Variants in LARGE1 observed in about 807,000 individuals in gnomAD.
LARGE1 encodes xylosyl- and glucuronyltransferase LARGE1.
In LARGE1, 43 loss-of-function variants were observed where a neutral mutation model predicts 87.6. That is an observed-to-expected ratio of 0.49 (90% CI 0.38 to 0.63). The LOEUF (loss-of-function observed/expected upper bound fraction) is 0.63. LARGE1 is among the 30% of genes least tolerant of loss of function. The probability of loss-of-function intolerance (pLI) is 0.00; values close to 1 mark genes in which losing one functional copy is unlikely to be tolerated. For synonymous variants in LARGE1, 434 were observed against 394.6 expected, an observed-to-expected ratio of 1.10 and a Z score of -1.18; for missense variants, 802 against 1,000.2, an observed-to-expected ratio of 0.80 and a Z score of 2.67.
intron 6 of LARGE1, among the ~76,000 whole-genome samples, chr22:33,451,563 CTT>C (rs34445472): frequency 3.6e-5 from 5 of 139,908 alleles, no homozygotes; most frequent in Admixed American, 1.4e-4. Context: ...GTATCTCATT[CTT>C]TTTTTTTTTT....
intron 1 of LARGE1, among the ~76,000 whole-genome samples, chr22:33,902,731 C>T (rs1408098607): frequency 6.6e-6 from 1 of 152,194 alleles, no homozygotes; most frequent in East Asian, 1.9e-4. Flanking sequence ...ATTAAAACAA[C>T]AGATGATGTT....
chr22:33,800,082 G>A (rs1430049049), intron 1 of LARGE1, among the ~76,000 whole-genome samples: 1 of 98,330 alleles, frequency 1.0e-5, no homozygotes, highest in East Asian at 5.5e-4. Flanking sequence ...GCTATCCCCT[G>A]ACTCATTCCG....
intron 1 of LARGE1, among the ~76,000 whole-genome samples, chr22:33,905,407 C>A (rs559597659): frequency 6.6e-6 from 1 of 152,026 alleles, no homozygotes; most frequent in Non-Finnish European, 1.5e-5. Context: ...TACTGCCGTG[C>A]CTATTTTTAG....
At chr22:33,917,856 C>T (rs2065831284) in intron 1 of LARGE1, among the ~76,000 whole-genome samples, 1 of 152,102 alleles carries the variant, frequency 6.6e-6, no homozygotes, top group African/African-American at 2.4e-5. Context: ...CAGGAACCCT[C>T]AAGATAAACC....
intron 2 of LARGE1, among the ~76,000 whole-genome samples, chr22:33,684,986 G>A (rs1471793548): frequency 6.6e-6 from 1 of 152,136 alleles, no homozygotes; most frequent in Admixed American, 6.5e-5. Flanking sequence ...GGGGGGTGGA[G>A]CCACCAAGCA....
chr22:33,152,124 G>T, the LARGE1 span, among the ~76,000 whole-genome samples: 1 of 152,146 alleles, frequency 6.6e-6, no homozygotes, highest in Non-Finnish European at 1.5e-5. Context: ...AGGCATTTAC[G>T]CATTCCTAGC....
chr22:33,183,239 AC>A (rs1923268601), intron 11 of LARGE1, among the ~76,000 whole-genome samples: 1 of 152,124 alleles, frequency 6.6e-6, no homozygotes, highest in African/African-American at 2.4e-5. Context: ...GATCAACATC[AC>A]TGATAATCAG....
intron 1 of LARGE1, among the ~76,000 whole-genome samples, chr22:33,889,457 T>C (rs1395380184): frequency 6.6e-6 from 1 of 152,232 alleles, no homozygotes; most frequent in African/African-American, 2.4e-5. Context: ...ATAATACGTA[T>C]CTGGAAATTT....
At chr22:33,426,800 T>G (rs2066897330) in intron 7 of LARGE1, among the ~76,000 whole-genome samples, 1 of 152,206 alleles carries the variant, frequency 6.6e-6, no homozygotes, top group African/African-American at 2.4e-5. Context: ...CTGCCCTAAT[T>G]TGGGGGCTGA....
chr22:33,785,282 TAC>T (rs1286892043), intron 1 of LARGE1, among the ~76,000 whole-genome samples: 1 of 151,982 alleles, frequency 6.6e-6, no homozygotes, highest in Non-Finnish European at 1.5e-5. Flanking sequence ...TGTGTATATA[TAC>T]GTATATATGT....
chr22:33,735,391 A>G (rs949273577), intron 2 of LARGE1, among the ~76,000 whole-genome samples: 1 of 152,236 alleles, frequency 6.6e-6, no homozygotes, highest in Non-Finnish European at 1.5e-5. Context: ...CCCTGCATAC[A>G]TGAAATGCAC....
intron 5 of LARGE1, among the ~76,000 whole-genome samples, chr22:33,569,443 A>G (rs1254912075): frequency 2.0e-5 from 3 of 152,256 alleles, no homozygotes; most frequent in Non-Finnish European, 2.9e-5. Flanking sequence ...TCCCCAACTT[A>G]ATACATAATC....
chr22:33,297,290 T>C (rs1307955001), intron 12 of LARGE1, among the ~76,000 whole-genome samples: 1 of 152,054 alleles, frequency 6.6e-6, no homozygotes, highest in East Asian at 1.9e-4. Context: ...CAGAATACAG[T>C]CTCTACCCAG....
chr22:33,731,593 C>CAA (rs746794127), intron 2 of LARGE1, among the ~76,000 whole-genome samples: 1 of 152,036 alleles, frequency 6.6e-6, no homozygotes. Flanking sequence ...TCAAAGGGTA[C>CAA]AATATTACAG....
chr22:33,556,501 A>C (rs572817004), intron 6 of LARGE1, among the ~76,000 whole-genome samples: 2 of 134,274 alleles, frequency 1.5e-5, no homozygotes, highest in South Asian at 5.3e-4. Flanking sequence ...GCAAAAGGCA[A>C]GGAAAGAAGG....
chr22:33,650,222 G>A (rs1229757046), intron 3 of LARGE1, 145 bp downstream of exon 3: 8 of 1,007,560 alleles, frequency 7.9e-6, no homozygotes, highest in Admixed American at 3.6e-5. Flanking sequence ...AGCAAAGTTA[G>A]CGAGCAAGCC....
At chr22:33,922,494 C>A (rs540179400), upstream of LARGE1, 1 of 152,258 alleles carries the variant, frequency 6.6e-6, no homozygotes, top group Admixed American at 6.5e-5. Context: ...CAGCGGCTGA[C>A]CGAGCCCAGC....
At chr22:33,665,703 T>C (rs2081248772) in intron 2 of LARGE1, among the ~76,000 whole-genome samples, 1 of 152,042 alleles carries the variant, frequency 6.6e-6, no homozygotes, top group South Asian at 2.1e-4. Context: ...CCATCCTGGC[T>C]AACACGGCGA....
intron 1 of LARGE1, among the ~76,000 whole-genome samples, chr22:33,798,962 T>G (rs1447530834): frequency 6.6e-6 from 1 of 152,164 alleles, no homozygotes; most frequent in Non-Finnish European, 1.5e-5. Context: ...CCAACACTAC[T>G]GCATCCCATT....
Sources: gnomAD v4.1 joint callset for allele counts (sites outside exome capture counted in the v4.1 genomes callset) on GRCh38, gnomAD v4.1.1 for gene constraint, MANE v1.5 for transcripts, NCBI Gene and HGNC (gene_info 2026-07-23, HGNC 2026-07-21) for gene names.